STK38L: variants seen among roughly 807,000 people sequenced by gnomAD.
STK38L encodes serine/threonine kinase 38 like, also known as serine/threonine-protein kinase 38-like.
A neutral mutation model predicts 59.7 loss-of-function variants in STK38L; 28 were observed. The ratio of observed to expected loss-of-function variants is 0.47; its 90% CI spans 0.35 to 0.64. The LOEUF (loss-of-function observed/expected upper bound fraction) is 0.64. Among genes scored for constraint, STK38L ranks in the 30% least tolerant of loss-of-function variants. STK38L has a pLI of 0.01. For missense variants in STK38L, 314 were observed against 555.8 expected (o/e 0.56, Z 4.37); for synonymous variants, 162 against 176.8 (o/e 0.92, Z 0.66).
chr12:27,301,824 T>C (rs1944180421), intron 2 of STK38L, among the ~76,000 whole-genome samples: 4 of 152,182 alleles, frequency 2.6e-5, no homozygotes, highest in South Asian at 4.1e-4. Flanking sequence ...ATTAATGATA[T>C]TGGTAGATTG....
intron 1 of STK38L, among the ~76,000 whole-genome samples, chr12:27,286,696 A>G (rs1172663439): frequency 2.0e-5 from 3 of 152,188 alleles, no homozygotes; most frequent in Non-Finnish European, 2.9e-5. Flanking sequence ...CTAAAGTTGG[A>G]ATTATGTCAA....
chr12:27,258,989 G>A (rs1943147647), intron 1 of STK38L, among the ~76,000 whole-genome samples: 1 of 152,164 alleles, frequency 6.6e-6, no homozygotes, highest in South Asian at 2.1e-4. Flanking sequence ...GAAAGAAATG[G>A]AGAGTGGAGC....
rs1263990250 is a variant in STK38L, at chr12:27,324,572, T to C, written c.*2117T>C. ...ATAATAGAGCATTTTTTGTTTTGAG[T>C]TCCCTCATTCTTATTACCAGAAAGA... On this transcript the variant is annotated 3_prime_UTR_variant, in exon 14 of 14. Transcript: ENST00000389032. 1.3e-5 allele frequency: 2 copies of C among 152,070 alleles called. No individual in the cohort carries two copies. Among genetic ancestry groups the C allele is most frequent in the Non-Finnish European group, 2.9e-5 (2 of 67,938 alleles). The allele number at this position is 152,070 out of a possible 1,614,324, so 9.4% of individuals were successfully genotyped here.
intron 3 of STK38L, among the ~76,000 whole-genome samples, chr12:27,307,137 T>A (rs1053945904): frequency 1.3e-5 from 2 of 152,164 alleles, no homozygotes; most frequent in African/African-American, 4.8e-5. Flanking sequence ...AAAAGACATT[T>A]AAAAAAAGAC....
At chr12:27,260,393 T>C (rs1400563487) in intron 1 of STK38L, among the ~76,000 whole-genome samples, 1 of 152,228 alleles carries the variant, frequency 6.6e-6, no homozygotes, top group South Asian at 2.1e-4. Context: ...AAAGTAGGTA[T>C]TTAATACAAG....
At chr12:27,272,189 A>G (rs1943438406) in intron 1 of STK38L, among the ~76,000 whole-genome samples, 3 of 152,224 alleles carry the variant, frequency 2.0e-5, no homozygotes, top group Admixed American at 2.0e-4. Context: ...ACAACGAATT[A>G]AGGTCAATTC....
In STK38L at chr12:27,308,683, G is replaced by A. The variant is rs950729476; in HGVS notation, c.309+222G>A. ...AAAATACAAAAATTAGCTGGGCGTG[G>A]TGGTGGGCACCTGTAATCCCAGCTA... On this transcript the variant is annotated intron_variant, in intron 4 of 13. Coordinates refer to ENST00000389032, the MANE Select transcript of STK38L (RefSeq NM_015000.4). The surrounding 1 kb of genome is among the most constrained non-coding windows in gnomAD (Gnocchi z 4.5). Among the ~76,000 whole-genome samples, 7 of 151,616 alleles carry A rather than the reference G, an allele frequency of 4.6e-5. No individual in the cohort carries two copies. The highest frequency in any genetic ancestry group is 7.4e-5 in the Non-Finnish European group (5 of 67,896).
intron 8 of STK38L, 26 bp from the exon 9 acceptor site, chr12:27,315,263 T>C (rs1467858614): frequency 6.2e-7 from 1 of 1,612,482 alleles, no homozygotes; most frequent in African/African-American, 1.3e-5. Context: ...TCCCTCGTGA[T>C]TACAATTCCA....
Position 27,314,496 on chromosome 12 carries a change from T to A in STK38L, c.518-8T>A. ...CAATAATAATATATTTGACTATCCT[T>A]TATTTAGGTGACATGATGACATTGC... On this transcript the variant is annotated splice_region_variant and splice_polypyrimidine_tract_variant and intron_variant, in intron 6 of 13. Coordinates refer to ENST00000389032, the MANE Select transcript of STK38L (RefSeq NM_015000.4). 1.3e-6 allele frequency: 2 copies of A among 1,529,366 alleles called. No homozygotes were observed. Among genetic ancestry groups the A allele is most frequent in the Non-Finnish European group, 1.8e-6 (2 of 1,136,940 alleles). 94.7% of individuals were successfully genotyped at this position (1,529,366 alleles called of 1,614,324 possible). A position where few individuals can be genotyped will look rare whatever the true frequency, so the allele number is the denominator to read the frequency against.
chr12:27,249,410 T>C (rs1471817481), intron 1 of STK38L, among the ~76,000 whole-genome samples: 6 of 152,216 alleles, frequency 3.9e-5, no homozygotes, highest in Non-Finnish European at 7.3e-5. Flanking sequence ...TGATTTTGGT[T>C]CACTGCAACC....
chr12:27,321,614 TA>T (rs1339430458), intron 12 of STK38L, among the ~76,000 whole-genome samples: 2 of 151,996 alleles, frequency 1.3e-5, no homozygotes, highest in Non-Finnish European at 2.9e-5. Context: ...TTTTTCCACT[TA>T]AAAAAATAGG....
intron 1 of STK38L, among the ~76,000 whole-genome samples, chr12:27,260,609 C>T (rs1164239684): frequency 6.6e-6 from 1 of 152,130 alleles, no homozygotes; most frequent in Non-Finnish European, 1.5e-5. Context: ...TGCTTCAGGG[C>T]CTTTGCACTT....
chr12:27,313,885 G>A (rs935669039), intron 6 of STK38L, among the ~76,000 whole-genome samples: 1 of 151,984 alleles, frequency 6.6e-6, no homozygotes, highest in Non-Finnish European at 1.5e-5. Flanking sequence ...TCGTTTCCAG[G>A]TGCACTTATT....
At chr12:27,288,249 T>C (rs1025348549) in intron 1 of STK38L, among the ~76,000 whole-genome samples, 1 of 152,190 alleles carries the variant, frequency 6.6e-6, no homozygotes, top group Non-Finnish European at 1.5e-5. Flanking sequence ...GTGAACAGGA[T>C]TATTTTTCCA....
chr12:27,289,973 A>C (rs1943859953), intron 1 of STK38L, among the ~76,000 whole-genome samples: 3 of 152,230 alleles, frequency 2.0e-5, no homozygotes, highest in Non-Finnish European at 4.4e-5. Context: ...TAGAGATTAA[A>C]TTTACAAACT....
intron 1 of STK38L, among the ~76,000 whole-genome samples, chr12:27,257,797 A>C (rs926156929): frequency 7.2e-5 from 11 of 151,830 alleles, no homozygotes; most frequent in Non-Finnish European, 1.5e-5. Context: ...GTGTGTGTCA[A>C]CTCAGCCCAA....
chr12:27,259,406 G>A (rs976283976), intron 1 of STK38L, among the ~76,000 whole-genome samples: 4 of 152,138 alleles, frequency 2.6e-5, no homozygotes, highest in South Asian at 2.1e-4. Flanking sequence ...GCCGCTTCAC[G>A]TGTCATGGGC....
intron 1 of STK38L, among the ~76,000 whole-genome samples, chr12:27,260,096 C>CCCACCA (rs1012276671): frequency 6.6e-6 from 1 of 151,976 alleles, no homozygotes; most frequent in Non-Finnish European, 1.5e-5. Flanking sequence ...ATACAAGTCC[C>CCCACCA]CCACCACCAC....
intron 1 of STK38L, among the ~76,000 whole-genome samples, chr12:27,272,525 G>C (rs1943445546): frequency 6.6e-6 from 1 of 152,176 alleles, no homozygotes; most frequent in Non-Finnish European, 1.5e-5. Flanking sequence ...TTAATTAGCT[G>C]CATTCAAGGC....
Sources: allele counts gnomAD v4.1 joint callset (sites outside exome capture counted in the v4.1 genomes callset), GRCh38; gene constraint gnomAD v4.1.1; non-coding constraint Gnocchi (gnomAD v3.1); transcripts MANE v1.5; gene names NCBI Gene and HGNC (gene_info 2026-07-23, HGNC 2026-07-21).